Variants in TCF7L2 observed in about 807,000 individuals in gnomAD.
TCF7L2 encodes transcription factor 7 like 2, also known as transcription factor 7-like 2.
In TCF7L2, 23 loss-of-function variants were observed where a neutral mutation model predicts 77.9. That is an observed-to-expected ratio of 0.30 (90% CI 0.21 to 0.42). TCF7L2 has a LOEUF of 0.42. Among genes scored for constraint, TCF7L2 ranks in the 10% least tolerant of loss-of-function variants. The probability of loss-of-function intolerance (pLI) is 1.00; values close to 1 mark genes in which losing one functional copy is unlikely to be tolerated. For synonymous variants in TCF7L2, 413 were observed against 340.2 expected (o/e 1.21, Z -2.36); for missense variants, 654 against 793.1 (o/e 0.82, Z 2.11).
rs141060651 is a variant in TCF7L2, at chr10:112,966,184, T to TTATATATATA, written c.450+1578_450+1587dup. 2.6e-3 allele frequency among the ~76,000 whole-genome samples: 299 copies of TTATATATATA among 114,202 alleles called. 13 individuals carry two copies. Among genetic ancestry groups the TTATATATATA allele is most frequent in the African/African-American group, 0.013 (283 of 20,990 alleles). 74.9% of individuals were successfully genotyped at this position (114,202 alleles called of 152,430 possible). ...GAGTGAGACTCTGTCTAAAATATAT[T>TTATATATATA]TATATATATATATATATATATATAT... is the stretch of plus-strand genomic sequence containing the variant. On this transcript the variant is annotated intron_variant, in intron 4 of 13. Coordinates refer to ENST00000627217, the MANE Select transcript of TCF7L2 (RefSeq NM_001146274.2).
chr10:113,126,757 T>G (rs1334652932), intron 5 of TCF7L2: 1 of 985,508 alleles, frequency 1.0e-6, no homozygotes, highest in African/African-American at 1.7e-5. Context: ...CGGCGCGGGC[T>G]GCAGGGCGGG....
chr10:113,114,968 G>C (rs571018947), intron 5 of TCF7L2, among the ~76,000 whole-genome samples: 139 of 152,318 alleles, frequency 9.1e-4, no homozygotes, highest in African/African-American at 3.3e-3. Flanking sequence ...AAATTGAAGA[G>C]CACTGAATAA....
intron 4 of TCF7L2, among the ~76,000 whole-genome samples, chr10:113,009,490 C>T (rs1258041640): frequency 6.6e-6 from 1 of 152,192 alleles, no homozygotes; most frequent in Non-Finnish European, 1.5e-5. Context: ...CTCCTGCCAC[C>T]GAAGGGTGTG....
At chr10:113,104,959 T>C (rs955308837) in intron 5 of TCF7L2, among the ~76,000 whole-genome samples, 3 of 152,186 alleles carry the variant, frequency 2.0e-5, no homozygotes, top group Admixed American at 6.5e-5. Context: ...ATAGTCTCCC[T>C]CCCTGCAATG....
intron 4 of TCF7L2, among the ~76,000 whole-genome samples, chr10:113,027,906 G>A (rs2049488269): frequency 6.6e-6 from 1 of 152,166 alleles, no homozygotes; most frequent in African/African-American, 2.4e-5. Flanking sequence ...AGGAATTTGG[G>A]GTGTGGACTT....
intron 5 of TCF7L2, among the ~76,000 whole-genome samples, chr10:113,108,223 C>T (rs1163318446): frequency 6.6e-6 from 1 of 152,164 alleles, no homozygotes; most frequent in Non-Finnish European, 1.5e-5. Context: ...TGGACCCCCC[C>T]ACCCCACCAG....
chr10:113,028,212 G>C (rs1466130941), intron 4 of TCF7L2, among the ~76,000 whole-genome samples: 1 of 152,180 alleles, frequency 6.6e-6, no homozygotes, highest in African/African-American at 2.4e-5. Context: ...CTCTCTAGGA[G>C]GGATTTGGAA....
rs11313601 is a variant in TCF7L2 at position 113,127,243 on chromosome 10, G to GT, written c.553-13927dup. ...GGACGTGAATACGGAGGGGTTTCGG[G>GT]TTTTTTTTTTTTTTCTGTCCACCAA... is the stretch of plus-strand genomic sequence containing the variant. On this transcript the variant is annotated intron_variant, in intron 5 of 13. Coordinates refer to ENST00000627217, the MANE Select transcript of TCF7L2 (RefSeq NM_001146274.2). Among the ~76,000 whole-genome samples the GT allele has an allele frequency of 2.6e-3, 357 of 139,962 alleles. 3 individuals are homozygous for GT. The highest frequency in any genetic ancestry group is 4.1e-3 in the East Asian group (20 of 4,860). The allele number at this position is 139,962 out of a possible 152,430, so 91.8% of individuals were successfully genotyped here. A position where few individuals can be genotyped will look rare whatever the true frequency, so the allele number is the denominator to read the frequency against.
intron 4 of TCF7L2, among the ~76,000 whole-genome samples, chr10:112,977,469 G>T (rs1304379133): frequency 1.3e-5 from 2 of 152,172 alleles, no homozygotes; most frequent in Non-Finnish European, 2.9e-5. Context: ...TTGACATACG[G>T]GCCGTCATCA....
intron 4 of TCF7L2, among the ~76,000 whole-genome samples, chr10:112,985,050 A>C (rs2041230017): frequency 1.3e-5 from 2 of 152,122 alleles, no homozygotes; most frequent in African/African-American, 4.8e-5. Flanking sequence ...CCTCTCTCCG[A>C]GGATTAAATG....
chr10:113,017,566 T>C (rs2047557943), intron 4 of TCF7L2, among the ~76,000 whole-genome samples: 1 of 152,170 alleles, frequency 6.6e-6, no homozygotes, highest in Admixed American at 6.5e-5. Flanking sequence ...AGCAGAGGGC[T>C]CTCTTGGGTG....
At chr10:112,993,081 C>T (rs576668345) in intron 4 of TCF7L2, among the ~76,000 whole-genome samples, 4 of 151,506 alleles carry the variant, frequency 2.6e-5, no homozygotes, top group Middle Eastern at 3.4e-3. Context: ...GTATTTCTAA[C>T]GTCCCCCTGA....
chr10:112,992,229 G>T (rs549599396), intron 4 of TCF7L2, among the ~76,000 whole-genome samples: 1 of 152,198 alleles, frequency 6.6e-6, no homozygotes, highest in Non-Finnish European at 1.5e-5. Flanking sequence ...CTTGCCAAGC[G>T]CAGAGAAAGC....
chr10:112,996,868 C>G (rs1266338931), intron 4 of TCF7L2, among the ~76,000 whole-genome samples: 1 of 152,170 alleles, frequency 6.6e-6, no homozygotes. Context: ...AGGGCATTTG[C>G]TCTTCTGGGA....
intron 5 of TCF7L2, among the ~76,000 whole-genome samples, chr10:113,137,568 C>T (rs2067609864): frequency 6.6e-6 from 1 of 152,172 alleles, no homozygotes; most frequent in Non-Finnish European, 1.5e-5. Context: ...ATGCCAGTTG[C>T]CCCTAAAACC....
chr10:113,108,842 A>G (rs142356820), intron 5 of TCF7L2, among the ~76,000 whole-genome samples: 191 of 152,302 alleles, frequency 1.3e-3, no homozygotes, highest in African/African-American at 4.2e-3. Context: ...TAGGAATAAC[A>G]TATTCTCCCA....
Position 113,166,053 on chromosome 10 carries a change from G to T in TCF7L2, c.*81G>T. The T allele has an allele frequency of 1.5e-6, 2 of 1,356,778 alleles. No homozygotes were observed. The highest frequency in any genetic ancestry group is 1.9e-6 in the Non-Finnish European group (2 of 1,039,062). 84.0% of individuals were successfully genotyped at this position (1,356,778 alleles called of 1,614,324 possible). On this transcript the variant is annotated 3_prime_UTR_variant, in exon 14 of 14. Coordinates refer to ENST00000627217, the MANE Select transcript of TCF7L2 (RefSeq NM_001146274.2). ...TTTGCCCCCCACCCCCACCTTGAAA[G>T]GTTTTGTTTTGTACTCTCTTAATTT...
chr10:113,156,692 A>G (rs1564978571), intron 11 of TCF7L2, among the ~76,000 whole-genome samples: 1 of 152,316 alleles, frequency 6.6e-6, no homozygotes, highest in East Asian at 1.9e-4. Flanking sequence ...GTTGGAGAAT[A>G]TGAAAGACTC....
intron 3 of TCF7L2, 35 bp from the exon 4 acceptor site, chr10:112,964,521 T>C (rs377543374): frequency 1.9e-6 from 3 of 1,599,970 alleles, no homozygotes; most frequent in Non-Finnish European, 2.6e-6. Flanking sequence ...GTTTGTGACA[T>C]AAGCAGAACG....
Sources: allele counts gnomAD v4.1 joint callset (sites outside exome capture counted in the v4.1 genomes callset), GRCh38; gene constraint gnomAD v4.1.1; transcripts MANE v1.5; gene names NCBI Gene and HGNC (gene_info 2026-07-23, HGNC 2026-07-21).